NRP1: variants seen among roughly 807,000 people sequenced by gnomAD.
NRP1 encodes neuropilin 1.
In NRP1, 35 loss-of-function variants were observed where a neutral mutation model predicts 106.7. The observed-to-expected ratio is 0.33, with a 90% CI of 0.25 to 0.43. NRP1 has a LOEUF of 0.43. Among genes scored for constraint, NRP1 ranks in the 20% least tolerant of loss-of-function variants. The pLI is 1.00. For missense variants in NRP1, 1,024 were observed against 1,170.4 expected, an observed-to-expected ratio of 0.87 and a Z score of 1.83; for synonymous variants, 437 against 417.9, an observed-to-expected ratio of 1.05 and a Z score of -0.56.
intron 13 of NRP1, among the ~76,000 whole-genome samples, chr10:33,190,448 T>A (rs1836325952): frequency 6.6e-6 from 1 of 152,232 alleles, no homozygotes; most frequent in Non-Finnish European, 1.5e-5. Flanking sequence ...AGGAGTCCAA[T>A]TTTATCCAAT....
chr10:33,294,819 AG>A (rs1564463523), intron 2 of NRP1, among the ~76,000 whole-genome samples: 1 of 152,088 alleles, frequency 6.6e-6, no homozygotes, highest in Admixed American at 6.6e-5. Flanking sequence ...CTGCAACCTA[AG>A]GGGATTACCC....
intron 2 of NRP1, among the ~76,000 whole-genome samples, chr10:33,299,256 TTAGAAC>T (rs1845631654): frequency 6.6e-6 from 1 of 152,110 alleles, no homozygotes; most frequent in Non-Finnish European, 1.5e-5. Flanking sequence ...GCCCCAATCC[TTAGAAC>T]TACCTATCTT....
intron 2 of NRP1, among the ~76,000 whole-genome samples, chr10:33,285,742 A>G (rs1844479302): frequency 6.6e-6 from 1 of 152,148 alleles, no homozygotes; most frequent in Non-Finnish European, 1.5e-5. Flanking sequence ...CTGAGGCAGG[A>G]GAACTGCTTG....
At chr10:33,203,663 A>G (rs1837521535) in intron 10 of NRP1, among the ~76,000 whole-genome samples, 1 of 150,648 alleles carries the variant, frequency 6.6e-6, no homozygotes, top group South Asian at 2.1e-4. Flanking sequence ...CACTGTTCAC[A>G]GGTATTCCCA....
intron 9 of NRP1, among the ~76,000 whole-genome samples, chr10:33,208,099 T>C (rs1267716531): frequency 6.6e-6 from 1 of 152,166 alleles, no homozygotes; most frequent in Non-Finnish European, 1.5e-5. Flanking sequence ...CTAACTTTTG[T>C]ATTTTTTGCA....
intron 13 of NRP1, among the ~76,000 whole-genome samples, chr10:33,191,952 C>A (rs912977785): frequency 3.7e-5 from 5 of 135,486 alleles, no homozygotes; most frequent in Admixed American, 2.5e-4. Context: ...CATTCCAGCC[C>A]GGGCAACAGT....
intron 6 of NRP1, among the ~76,000 whole-genome samples, chr10:33,250,010 A>C (rs886925235): frequency 2.0e-5 from 3 of 152,154 alleles, no homozygotes; most frequent in African/African-American, 4.8e-5. Context: ...AATTTAACAC[A>C]TGCAAGTATT....
Position 33,238,491 on chromosome 10 carries a change from G to A in NRP1, c.982-12202C>T, listed in dbSNP as rs530523158. ...TAAGTGCTAGGTGCTTGGGTGAAAGGGAGTGAAGGTGATAAGATTCCTGCC... is the reference window on the plus strand; with the variant it reads ...TAAGTGCTAGGTGCTTGGGTGAAAGAGAGTGAAGGTGATAAGATTCCTGCC... On this transcript the variant is annotated intron_variant, in intron 6 of 16. Transcript: ENST00000374867. Among the ~76,000 whole-genome samples the A allele has an allele frequency of 7.9e-5, 12 of 152,288 alleles. No homozygotes were observed. In the South Asian group the frequency reaches 2.5e-3, roughly 32 times the overall value.
At chr10:33,228,629 ATGT>A (rs1444577118) in intron 6 of NRP1, among the ~76,000 whole-genome samples, 5 of 152,202 alleles carry the variant, frequency 3.3e-5, no homozygotes, top group Non-Finnish European at 5.9e-5. Flanking sequence ...TTAAATCAAC[ATGT>A]TGTCTACATC....
chr10:33,258,625 G>A (rs1842363101), intron 4 of NRP1, among the ~76,000 whole-genome samples: 1 of 152,204 alleles, frequency 6.6e-6, no homozygotes, highest in African/African-American at 2.4e-5. Flanking sequence ...CTCAGAAGAT[G>A]AAACTCTTGC....
At chr10:33,247,446 GC>G (rs1315902537) in intron 6 of NRP1, among the ~76,000 whole-genome samples, 1 of 152,192 alleles carries the variant, frequency 6.6e-6, no homozygotes, top group African/African-American at 2.4e-5. Context: ...GTTGCCAGAA[GC>G]AACAACTCAC....
intron 10 of NRP1, among the ~76,000 whole-genome samples, chr10:33,207,068 C>T (rs1010208355): frequency 6.6e-6 from 1 of 152,064 alleles, no homozygotes; most frequent in South Asian, 2.1e-4. Context: ...ATCGACACTG[C>T]GGACCGAAAC....
intron 6 of NRP1, among the ~76,000 whole-genome samples, chr10:33,244,652 T>C (rs922266205): frequency 6.6e-6 from 1 of 152,190 alleles, no homozygotes. Context: ...GGAAACTTAA[T>C]ATTATCTTTC....
chr10:33,283,094 T>C (rs1844261678), intron 2 of NRP1, among the ~76,000 whole-genome samples: 1 of 152,198 alleles, frequency 6.6e-6, no homozygotes, highest in Non-Finnish European at 1.5e-5. Context: ...TGCACAATTT[T>C]GTTCAACAGA....
At chr10:33,273,079 T>C (rs1029736398) in intron 2 of NRP1, among the ~76,000 whole-genome samples, 1 of 103,688 alleles carries the variant, frequency 9.6e-6, no homozygotes, top group Non-Finnish European at 1.7e-5. Context: ...TTTAAAAGTA[T>C]GTGTGGGGTG....
chr10:33,186,392 T>A lies in NRP1; in HGVS notation c.2159A>T (p.His720Leu). ...CATGTGATACCAGAAGGTCATGCAG[T>A]GGGCAGAGTTCTGGGAATAAACCAC... The part of the protein sequence containing the change: ...SPVVYSQNSA[H>L]CMTFWYHMSG... Residue 720 changes from histidine (H) to leucine (L), a missense_variant, in exon 14 of 17, where the codon CAC becomes CTC. This residue lies in a region of NRP1 where 562 missense variants were observed against 620.3 expected (regional missense o/e 0.91). Coordinates refer to ENST00000374867, the MANE Select transcript of NRP1 (RefSeq NM_003873.7). The A allele has an allele frequency of 6.2e-7, 1 of 1,614,164 alleles. No homozygotes were observed. The highest frequency in any genetic ancestry group is 8.5e-7 in the Non-Finnish European group (1 of 1,180,028).
chr10:33,255,770 A>AT (rs1266261809), intron 5 of NRP1, among the ~76,000 whole-genome samples: 12 of 151,848 alleles, frequency 7.9e-5, no homozygotes, highest in Non-Finnish European at 1.6e-4. Flanking sequence ...GTTCTTTCAG[A>AT]TTTTTTTTCT....
At chr10:33,316,556 AG>A (rs1335025068) in intron 2 of NRP1, among the ~76,000 whole-genome samples, 7 of 152,364 alleles carry the variant, frequency 4.6e-5, no homozygotes, top group Non-Finnish European at 7.3e-5. Flanking sequence ...AAGATCAAAA[AG>A]CTTATTCAGA....
chr10:33,305,189 G>A (rs1004822030), intron 2 of NRP1, among the ~76,000 whole-genome samples: 9 of 152,148 alleles, frequency 5.9e-5, no homozygotes, highest in Non-Finnish European at 1.3e-4. Flanking sequence ...GTGCTGGATG[G>A]CACTTTACAA....
Sources: gnomAD v4.1 joint callset for allele counts (sites outside exome capture counted in the v4.1 genomes callset) on GRCh38, gnomAD v4.1.1 for gene constraint, gnomAD v4.1.1 regional missense constraint, MANE v1.5 for transcripts, NCBI Gene and HGNC (gene_info 2026-07-23, HGNC 2026-07-21) for gene names.